The following ZBBX variants were observed in gnomAD, a reference collection of about 807,000 sequenced individuals.
ZBBX encodes the protein zinc finger B-box domain-containing protein 1.
A neutral mutation model predicts 108.5 loss-of-function variants in ZBBX; 101 were observed. The ratio of observed to expected loss-of-function variants is 0.93; its 90% CI spans 0.79 to 1.10. ZBBX has a LOEUF of 1.10. Among genes scored for constraint, ZBBX ranks in the 50% least tolerant of loss-of-function variants. The pLI, the probability that ZBBX is intolerant of heterozygous loss-of-function variation, is 0.00. For synonymous variants in ZBBX, 356 were observed against 323.4 expected (o/e 1.10, Z -1.08); for missense variants, 1,009 against 941.4 (o/e 1.07, Z -0.94).
the ZBBX span, among the ~76,000 whole-genome samples, chr3:167,183,212 C>CTCATCATCAGTGTGAA: frequency 3.3e-5 from 5 of 152,228 alleles, no homozygotes; most frequent in Admixed American, 6.5e-5. Context: ...CTCCTTCCTC[C>CTCATCATCAGTGTGAA]TCATCATCAG....
intron 9 of ZBBX, among the ~76,000 whole-genome samples, chr3:167,349,296 C>G (rs1577064063): frequency 6.6e-6 from 1 of 152,086 alleles, no homozygotes; most frequent in East Asian, 1.9e-4. Flanking sequence ...TTGTTAAATT[C>G]TATATTATTC....
intron 4 of ZBBX, among the ~76,000 whole-genome samples, chr3:167,370,069 G>A (rs1311294608): frequency 6.6e-6 from 1 of 152,122 alleles, no homozygotes; most frequent in Non-Finnish European, 1.5e-5. Flanking sequence ...AGGGTTTTAA[G>A]AGAATTGATC....
rs1335924227 is a variant in ZBBX at position 167,313,963 on chromosome 3, A to C, written c.1417+11T>G. 6.4e-6 allele frequency: 10 copies of C among 1,564,484 alleles called. No individual in the cohort carries two copies. Among genetic ancestry groups the C allele is most frequent in the Non-Finnish European group, 8.6e-6 (10 of 1,157,562 alleles). On this transcript the variant is annotated intron_variant, in intron 16 of 21. Coordinates refer to ENST00000675490, the MANE Select transcript of ZBBX (RefSeq NM_001199201.2). ...ACTGTTAATAATATCCAGCAACAAGAAAAATGTTACCTTTTGAATTATCTT... is the reference window on the plus strand; with the variant it reads ...ACTGTTAATAATATCCAGCAACAAGCAAAATGTTACCTTTTGAATTATCTT...
chr3:167,294,887 G>A (rs1731349675), intron 18 of ZBBX, among the ~76,000 whole-genome samples: 1 of 152,002 alleles, frequency 6.6e-6, no homozygotes, highest in South Asian at 2.1e-4. Flanking sequence ...CAAAGGATAT[G>A]ACAGACACTT....
At chr3:167,204,243 CT>C in the ZBBX span, among the ~76,000 whole-genome samples, 72 of 28,374 alleles carry the variant, frequency 2.5e-3, no homozygotes, top group East Asian at 5.3e-3. Flanking sequence ...CTTTTCTTTT[CT>C]TTTTTTTTTA....
the ZBBX span, among the ~76,000 whole-genome samples, chr3:167,183,025 G>A: frequency 2.0e-5 from 3 of 152,150 alleles, no homozygotes; most frequent in South Asian, 2.1e-4. Flanking sequence ...CACTGGGGCC[G>A]CTATTTTTCA....
intron 1 of ZBBX, among the ~76,000 whole-genome samples, chr3:167,403,673 T>C (rs1177726052): frequency 6.6e-6 from 1 of 152,090 alleles, no homozygotes; most frequent in East Asian, 1.9e-4. Context: ...AGAATTATAA[T>C]TTGATGAGTG....
intron 20 of ZBBX, among the ~76,000 whole-genome samples, chr3:167,265,161 T>C (rs1299930057): frequency 6.6e-6 from 1 of 152,192 alleles, no homozygotes; most frequent in East Asian, 1.9e-4. Context: ...ATCATTTTCA[T>C]TGTAGTTGCC....
downstream of ZBBX, among the ~76,000 whole-genome samples, chr3:167,235,277 G>A (rs1273317653): frequency 6.6e-6 from 1 of 151,500 alleles, no homozygotes; most frequent in Non-Finnish European, 1.5e-5. Flanking sequence ...TTTCCTGCTT[G>A]CACCTCCAGA....
intron 9 of ZBBX, among the ~76,000 whole-genome samples, chr3:167,346,616 T>C (rs1430414983): frequency 6.6e-6 from 1 of 151,898 alleles, no homozygotes; most frequent in Non-Finnish European, 1.5e-5. Flanking sequence ...TGCTTAATAT[T>C]CATCTGTCGG....
chr3:167,380,866 G>GCGCACA (rs200426061), upstream of ZBBX, among the ~76,000 whole-genome samples: 2 of 141,442 alleles, frequency 1.4e-5, no homozygotes, highest in South Asian at 2.4e-4. Context: ...GCAAATATAT[G>GCGCACA]CACACACACA....
the ZBBX span, among the ~76,000 whole-genome samples, chr3:167,191,934 T>TATATATAGAGAG: frequency 1.6e-4 from 21 of 130,222 alleles, no homozygotes; most frequent in African/African-American, 5.5e-4. Flanking sequence ...TATATATATA[T>TATATATAGAGAG]AGAGCAAGTT....
In ZBBX at chr3:167,352,473, C is replaced by T. The variant is rs565338284; in HGVS notation, c.433-1958G>A. Among the ~76,000 whole-genome samples, 168 of 151,968 alleles carry T rather than the reference C, an allele frequency of 1.1e-3. 2 individuals carry two copies. The highest frequency in any genetic ancestry group is 1.6e-3 in the Non-Finnish European group (106 of 67,936). ...CAGAACAGACCAATATGAGTAGTGA[C>T]GTTGTATCAGTAATAAAAATTTTCC... On this transcript the variant is annotated intron_variant, in intron 8 of 21. Transcript: ENST00000675490.
At position 167,240,100 on chromosome 3, in the gene ZBBX, G is replaced by A. The variant is rs912585857; in HGVS notation, c.*693C>T. ...CACCAGGTCCCTCCCAGGACACCTG[G>A]AGATTATAGAAACTACAATTCAAGA... On this transcript the variant is annotated 3_prime_UTR_variant, in exon 22 of 22. Coordinates refer to ENST00000675490, the MANE Select transcript of ZBBX (RefSeq NM_001199201.2). Among the ~76,000 whole-genome samples the A allele has an allele frequency of 6.6e-6, 1 of 152,062 alleles. No individual in the cohort carries two copies. Among genetic ancestry groups the A allele is most frequent in the African/African-American group, 2.4e-5 (1 of 41,418 alleles).
Position 167,372,170 on chromosome 3 carries a change from C to T in ZBBX, c.68+664G>A, listed in dbSNP as rs371867403. ...AGGTTGCAGTGAGCCGAGACCGTGC[C>T]AGTGCACTCCAGCCTGGGTGAGGGA... On this transcript the variant is annotated intron_variant, in intron 4 of 21. Transcript: ENST00000675490. Among the ~76,000 whole-genome samples the T allele has an allele frequency of 1.4e-3, 209 of 152,106 alleles. 5 individuals carry two copies. The South Asian group carries it at 0.042, about 31-fold the overall frequency.
chr3:167,239,643 T>G (rs1359228555), downstream of ZBBX, among the ~76,000 whole-genome samples: 2 of 152,100 alleles, frequency 1.3e-5, no homozygotes, highest in African/African-American at 4.8e-5. Flanking sequence ...ACTATTTATA[T>G]TATAGGTAAG....
chr3:167,315,598 A>G, intron 15 of ZBBX, 152 bp downstream of exon 15: 1 of 582,786 alleles, frequency 1.7e-6, no homozygotes, highest in Non-Finnish European at 3.1e-6. Flanking sequence ...TATTGTATAC[A>G]TATTTAAGCA....
intron 6 of ZBBX, among the ~76,000 whole-genome samples, chr3:167,365,649 T>C (rs1048338032): frequency 6.6e-6 from 1 of 151,784 alleles, no homozygotes; most frequent in African/African-American, 2.4e-5. Context: ...CAGTTTGGGA[T>C]GTGGGAAAAT....
At chr3:167,274,854 G>A (rs1560055973) in intron 20 of ZBBX, among the ~76,000 whole-genome samples, 1 of 152,154 alleles carries the variant, frequency 6.6e-6, no homozygotes, top group Non-Finnish European at 1.5e-5. Flanking sequence ...CAGAGATAGG[G>A]ATCGCGTTAA....
Sources: allele counts gnomAD v4.1 joint callset (sites outside exome capture counted in the v4.1 genomes callset), GRCh38; gene constraint gnomAD v4.1.1; transcripts MANE v1.5; gene names NCBI Gene and HGNC (gene_info 2026-07-23, HGNC 2026-07-21).